Variants in CNTNAP5 observed in about 807,000 individuals in gnomAD.
CNTNAP5 encodes contactin associated protein family member 5.
CNTNAP5 carries 72 observed loss-of-function variants against 150.2 expected under a neutral mutation model. The ratio of observed to expected loss-of-function variants is 0.48; its 90% CI spans 0.40 to 0.58. The LOEUF (loss-of-function observed/expected upper bound fraction) is 0.58, where lower values mean the gene tolerates loss of function less well. CNTNAP5 is among the 20% of genes least tolerant of loss of function. CNTNAP5 has a pLI of 0.00. For missense variants in CNTNAP5, 1,636 were observed against 1,626.2 expected, an observed-to-expected ratio of 1.01 and a Z score of -0.10; for synonymous variants, 672 against 619.8, an observed-to-expected ratio of 1.08 and a Z score of -1.25.
intron 3 of CNTNAP5, among the ~76,000 whole-genome samples, chr2:124,293,190 G>A (rs1573895987): frequency 6.6e-6 from 1 of 151,958 alleles, no homozygotes; most frequent in East Asian, 1.9e-4. Flanking sequence ...CTCATATGGT[G>A]TTTAATATGA....
chr2:124,709,232 C>CGTGTGTGT (rs778269827), intron 13 of CNTNAP5, among the ~76,000 whole-genome samples: 51 of 138,826 alleles, frequency 3.7e-4, no homozygotes, highest in African/African-American at 1.1e-3. Context: ...TGTGTGTGTG[C>CGTGTGTGT]GTGTGTGTGT....
intron 3 of CNTNAP5, among the ~76,000 whole-genome samples, chr2:124,325,530 TG>T (rs1689194137): frequency 6.6e-6 from 1 of 152,004 alleles, no homozygotes. Flanking sequence ...TGAAGTGATT[TG>T]TTTTTTTATT....
chr2:124,235,584 T>A (rs1686727149), intron 2 of CNTNAP5, among the ~76,000 whole-genome samples: 1 of 152,164 alleles, frequency 6.6e-6, no homozygotes, highest in Admixed American at 6.5e-5. Context: ...AGGGATGATG[T>A]CCTGATGATG....
intron 14 of CNTNAP5, among the ~76,000 whole-genome samples, chr2:124,755,505 G>A (rs998210227): frequency 3.3e-5 from 5 of 152,106 alleles, no homozygotes; most frequent in Admixed American, 3.3e-4. Context: ...TGGAACTCTT[G>A]GCCAAGTATG....
At chr2:124,029,614 G>C (rs1442970990) in intron 1 of CNTNAP5, among the ~76,000 whole-genome samples, 1 of 151,846 alleles carries the variant, frequency 6.6e-6, no homozygotes, top group Non-Finnish European at 1.5e-5. Flanking sequence ...CTTTATTTTT[G>C]TTCTAATGAA....
intron 3 of CNTNAP5, among the ~76,000 whole-genome samples, chr2:124,284,690 G>C (rs546310074): frequency 2.0e-5 from 3 of 152,150 alleles, no homozygotes; most frequent in Non-Finnish European, 4.4e-5. Flanking sequence ...TAAAAGGCCC[G>C]GGCAGGTCTT....
chr2:124,548,808 G>A (rs1405163804), intron 10 of CNTNAP5, among the ~76,000 whole-genome samples: 2 of 152,132 alleles, frequency 1.3e-5, no homozygotes, highest in Admixed American at 6.5e-5. Flanking sequence ...GCTTTGTCTT[G>A]ATTTTAGAAA....
intron 1 of CNTNAP5, among the ~76,000 whole-genome samples, chr2:124,199,826 G>A (rs934094053): frequency 6.6e-6 from 1 of 152,148 alleles, no homozygotes; most frequent in African/African-American, 2.4e-5. Context: ...TTGATTTTAT[G>A]CATAGTAACT....
At chr2:124,132,027 G>T (rs1558768379) in intron 1 of CNTNAP5, among the ~76,000 whole-genome samples, 2 of 152,150 alleles carry the variant, frequency 1.3e-5, no homozygotes, top group South Asian at 2.1e-4. Context: ...AATCTACAGA[G>T]ACGGTCCTTT....
chr2:124,080,439 C>T (rs1682533963), intron 1 of CNTNAP5, among the ~76,000 whole-genome samples: 1 of 152,194 alleles, frequency 6.6e-6, no homozygotes, highest in Non-Finnish European at 1.5e-5. Flanking sequence ...CCTTCCGGCT[C>T]AGAAAGAACA....
intron 1 of CNTNAP5, among the ~76,000 whole-genome samples, chr2:124,072,408 A>G (rs2104665705): frequency 6.6e-6 from 1 of 152,110 alleles, no homozygotes; most frequent in East Asian, 1.9e-4. Flanking sequence ...AAGAAATAGA[A>G]CATTCAAATT....
chr2:124,366,304 C>T (rs1029534410), intron 3 of CNTNAP5, among the ~76,000 whole-genome samples: 6 of 152,142 alleles, frequency 3.9e-5, no homozygotes, highest in African/African-American at 9.7e-5. Flanking sequence ...AATAACGGTA[C>T]GTACTTTCTT....
At chr2:124,072,928 G>A (rs185787841) in intron 1 of CNTNAP5, among the ~76,000 whole-genome samples, 1 of 152,026 alleles carries the variant, frequency 6.6e-6, no homozygotes, top group Non-Finnish European at 1.5e-5. Flanking sequence ...GAACAAAACT[G>A]GAGGAATCAC....
chr2:124,229,181 G>A (rs1686548351), intron 2 of CNTNAP5, among the ~76,000 whole-genome samples: 1 of 152,008 alleles, frequency 6.6e-6, no homozygotes, highest in African/African-American at 2.4e-5. Context: ...AAAGACTAAA[G>A]GAAAAATGTG....
chr2:124,033,579 A>G (rs1286167427), intron 1 of CNTNAP5, among the ~76,000 whole-genome samples: 1 of 152,202 alleles, frequency 6.6e-6, no homozygotes, highest in Non-Finnish European at 1.5e-5. Context: ...TAAAAGGGTA[A>G]GAAGTCTTTG....
At chr2:124,271,694 TATCTATC>T (rs60620190) in intron 3 of CNTNAP5, among the ~76,000 whole-genome samples, 1,355 of 114,500 alleles carry the variant, frequency 0.012, 21 homozygotes, top group African/African-American at 0.041. Flanking sequence ...TCTATCTATC[TATCTATC>T]ATCTATCTAT....
intron 3 of CNTNAP5, among the ~76,000 whole-genome samples, chr2:124,303,886 G>T (rs557379878): frequency 1.3e-5 from 2 of 152,152 alleles, no homozygotes; most frequent in South Asian, 4.2e-4. Context: ...TAAAGAATTA[G>T]CCCAGCATGA....
chr2:124,654,119 A>G (rs1410989109), intron 13 of CNTNAP5, among the ~76,000 whole-genome samples: 1 of 152,120 alleles, frequency 6.6e-6, no homozygotes, highest in Non-Finnish European at 1.5e-5. Context: ...GGGGCAGAAG[A>G]TTCCAGGCTG....
At chr2:124,725,202 T>G (rs1680131165) in intron 13 of CNTNAP5, among the ~76,000 whole-genome samples, 1 of 152,148 alleles carries the variant, frequency 6.6e-6, no homozygotes, top group East Asian at 1.9e-4. Flanking sequence ...TTGCCAAAAT[T>G]GAATTAAAAA....
Sources: gnomAD v4.1 joint callset for allele counts (sites outside exome capture counted in the v4.1 genomes callset) on GRCh38, gnomAD v4.1.1 for gene constraint, MANE v1.5 for transcripts, NCBI Gene and HGNC (gene_info 2026-07-23, HGNC 2026-07-21) for gene names.